RFTN1: variants seen among roughly 807,000 people sequenced by gnomAD.
The protein encoded by RFTN1 is raftlin, lipid raft linker 1.
In RFTN1, 26 loss-of-function variants were observed where a neutral mutation model predicts 46.5. The ratio of observed to expected loss-of-function variants is 0.56; its 90% CI spans 0.41 to 0.78. RFTN1 has a LOEUF of 0.78. Ranked by LOEUF, RFTN1 falls within the 30% of genes least tolerant of loss-of-function variation. The pLI, the probability that RFTN1 is intolerant of heterozygous loss-of-function variation, is 0.00. For synonymous variants in RFTN1, 261 were observed against 284.2 expected, an observed-to-expected ratio of 0.92 and a Z score of 0.82; for missense variants, 693 against 718.7, an observed-to-expected ratio of 0.96 and a Z score of 0.41.
chr3:16,425,965 C>T lies in RFTN1; in HGVS notation c.332+7886G>A, dbSNP rs944955289. ...AGAAACGAGGGGCAGCTGCCAGCAA[C>T]GGGTGTTCGCCCCACCTAAATCGGA... On this transcript the variant is annotated intron_variant, in intron 3 of 9. Transcript: ENST00000334133. The surrounding 1 kb of genome is among the most constrained non-coding windows in gnomAD (Gnocchi z 4.3). Among the ~76,000 whole-genome samples the T allele has an allele frequency of 1.3e-5, 2 of 152,088 alleles. No individual in the cohort carries two copies. The highest frequency in any genetic ancestry group is 2.4e-5 in the African/African-American group (1 of 41,408).
chr3:16,434,361 T>TAAAC (rs138527155), intron 2 of RFTN1, among the ~76,000 whole-genome samples: 151 of 138,152 alleles, frequency 1.1e-3, no homozygotes, highest in South Asian at 2.4e-3. Flanking sequence ...CGGTCTCTCT[T>TAAAC]AAACAAACAA....
Position 16,443,985 on chromosome 3 carries a change from T to C in RFTN1, c.146-9948A>G, listed in dbSNP as rs932302495. Among the ~76,000 whole-genome samples, 2 of 152,206 alleles carry C rather than the reference T, an allele frequency of 1.3e-5. No homozygotes were observed. The highest frequency in any genetic ancestry group is 2.4e-5 in the African/African-American group (1 of 41,440). On this transcript the variant is annotated intron_variant, in intron 2 of 9. Transcript: ENST00000334133. This position sits in a 1 kb window ranked among gnomAD's most constrained non-coding sequence, Gnocchi z 5.5. ...CAGGTCCCCTGATGCTTAGGTTTAG[T>C]AGTGGGCACTCAAATATTAAAAGCA...
Position 16,341,087 on chromosome 3 carries a change from A to G in RFTN1, c.1147-14211T>C, listed in dbSNP as rs1266068791. On this transcript the variant is annotated intron_variant, in intron 7 of 9. Transcript: ENST00000334133. This position sits in a 1 kb window ranked among gnomAD's most constrained non-coding sequence, Gnocchi z 4.7. ...CTCAACATCATATGTCATTAGGGAA[A>G]TGCAAATAAGACAGTCCACCTTAGA... is the stretch of plus-strand genomic sequence containing the variant. Among the ~76,000 whole-genome samples, 1 of 152,256 alleles carries G rather than the reference A, an allele frequency of 6.6e-6. No homozygotes were observed. Among genetic ancestry groups the G allele is most frequent in the African/African-American group, 2.4e-5 (1 of 41,470 alleles).
chr3:16,403,888 A>T (rs1404999085), intron 4 of RFTN1, among the ~76,000 whole-genome samples: 1 of 7,030 alleles, frequency 1.4e-4, no homozygotes, highest in Non-Finnish European at 2.5e-4. Flanking sequence ...ATATATATAT[A>T]ATATATATTT....
rs1485495267 is a variant in RFTN1 at position 16,327,916 on chromosome 3, G to A, written c.1147-1040C>T. ...CGGGTTCCTCACTAACACTCAAAGT[G>A]TAGCCCCCACCCCTGCTCTGTGTGT... On this transcript the variant is annotated intron_variant, in intron 7 of 9. Coordinates refer to ENST00000334133, the MANE Select transcript of RFTN1 (RefSeq NM_015150.2). This position sits in a 1 kb window ranked among gnomAD's most constrained non-coding sequence, Gnocchi z 4.2. 6.6e-6 allele frequency among the ~76,000 whole-genome samples: 1 copy of A among 151,772 alleles called. No individual in the cohort carries two copies. Among genetic ancestry groups the A allele is most frequent in the African/African-American group, 2.4e-5 (1 of 41,422 alleles).
chr3:16,339,949 G>A (rs1315003094), intron 7 of RFTN1: 1 of 152,218 alleles, frequency 6.6e-6, no homozygotes, highest in Non-Finnish European at 1.5e-5. Flanking sequence ...TGCCTAAAAT[G>A]AGACATGAGT....
chr3:16,328,878 C>T (rs912548324), intron 7 of RFTN1, among the ~76,000 whole-genome samples: 11 of 152,298 alleles, frequency 7.2e-5, no homozygotes, highest in African/African-American at 2.6e-4. Context: ...CTAACTTTTT[C>T]CCATCATTCT....
At chr3:16,350,454 C>G (rs1205973873) in intron 7 of RFTN1, among the ~76,000 whole-genome samples, 1 of 149,722 alleles carries the variant, frequency 6.7e-6, no homozygotes, top group African/African-American at 2.5e-5. Flanking sequence ...CTGAAGCAAA[C>G]TTGAAAATTT....
rs770594704 is a variant in RFTN1 at position 16,452,406 on chromosome 3, A to C, written c.146-18369T>G. 6.6e-6 allele frequency among the ~76,000 whole-genome samples: 1 copy of C among 152,196 alleles called. No homozygotes were observed. The highest frequency in any genetic ancestry group is 1.5e-5 in the Non-Finnish European group (1 of 68,030). On this transcript the variant is annotated intron_variant, in intron 2 of 9. Coordinates refer to ENST00000334133, the MANE Select transcript of RFTN1 (RefSeq NM_015150.2). The surrounding 1 kb of genome is among the most constrained non-coding windows in gnomAD (Gnocchi z 6.3). ...ATCTAAAGTCTCCCTCCATCTTCACAATGTTGATTGAAATGCTTAGCTACT... is the reference window on the plus strand; with the variant it reads ...ATCTAAAGTCTCCCTCCATCTTCACCATGTTGATTGAAATGCTTAGCTACT...
At chr3:16,362,422 A>G (rs2072891654) in intron 6 of RFTN1, among the ~76,000 whole-genome samples, 1 of 152,108 alleles carries the variant, frequency 6.6e-6, no homozygotes, top group Non-Finnish European at 1.5e-5. Flanking sequence ...AAATCACATC[A>G]CAAGTATTTT....
At chr3:16,482,793 G>A (rs1463171982) in intron 2 of RFTN1, 2 of 1,536,154 alleles carry the variant, frequency 1.3e-6, no homozygotes, top group Non-Finnish European at 1.7e-6. Context: ...CAGCTGCAGG[G>A]ATCCCCAGAG....
rs2076507098 is a variant in RFTN1, at chr3:16,489,555, TTAAA to T, written c.145+4166_145+4169del. Among the ~76,000 whole-genome samples the T allele has an allele frequency of 1.3e-5, 2 of 152,190 alleles. No individual in the cohort carries two copies. Among genetic ancestry groups the T allele is most frequent in the African/African-American group, 4.8e-5 (2 of 41,442 alleles). On this transcript the variant is annotated intron_variant, in intron 2 of 9. Coordinates refer to ENST00000334133, the MANE Select transcript of RFTN1 (RefSeq NM_015150.2). This position sits in a 1 kb window ranked among gnomAD's most constrained non-coding sequence, Gnocchi z 4.0. Reference sequence around the variant, plus strand: ...TGAGGGTTTTATGGGTTGGAACACTTTAAATATGTGCAATGTAGTGTACTTCATT... The same window carrying T: ...TGAGGGTTTTATGGGTTGGAACACTTTATGTGCAATGTAGTGTACTTCATT...
intron 2 of RFTN1, among the ~76,000 whole-genome samples, chr3:16,434,519 C>T (rs752803604): frequency 2.0e-5 from 3 of 151,984 alleles, no homozygotes; most frequent in Admixed American, 6.6e-5. Flanking sequence ...AGGGCCACTG[C>T]ACTCTAGCCT....
chr3:16,437,588 G>T (rs1313075462), intron 2 of RFTN1, among the ~76,000 whole-genome samples: 1 of 152,082 alleles, frequency 6.6e-6, no homozygotes, highest in African/African-American at 2.4e-5. Context: ...TGAGCCCAGA[G>T]AGGTCAAGGA....
At chr3:16,482,835 T>C (rs775595315) in intron 2 of RFTN1, 48 of 1,535,886 alleles carry the variant, frequency 3.1e-5, no homozygotes, top group Non-Finnish European at 4.0e-5. Context: ...CAGAACAGCC[T>C]TTCTGCCATG....
Position 16,322,791 on chromosome 3 carries a change from A to AG in RFTN1, c.1332+584dup, listed in dbSNP as rs907644535. Among the ~76,000 whole-genome samples, 18 of 152,042 alleles carry AG rather than the reference A, an allele frequency of 1.2e-4. No individual in the cohort carries two copies. Among genetic ancestry groups the AG allele is most frequent in the African/African-American group, 4.3e-4 (18 of 41,400 alleles). On this transcript the variant is annotated intron_variant, in intron 9 of 9. Coordinates refer to ENST00000334133, the MANE Select transcript of RFTN1 (RefSeq NM_015150.2). This position sits in a 1 kb window ranked among gnomAD's most constrained non-coding sequence, Gnocchi z 6.2. ...TTCTAGGGTAGTTCAGAGTCCGGAGAGGGGGAAAAGGGCCCTGGGGATCTC... is the reference window on the plus strand; with the variant it reads ...TTCTAGGGTAGTTCAGAGTCCGGAGAGGGGGGAAAAGGGCCCTGGGGATCTC...
At chr3:16,366,645 G>A (rs2073193873) in intron 6 of RFTN1, among the ~76,000 whole-genome samples, 1 of 152,146 alleles carries the variant, frequency 6.6e-6, no homozygotes. Context: ...CCACCTTCTT[G>A]CTCTTACTAG....
In RFTN1 at chr3:16,425,200, C is replaced by T. The variant is rs114576568; in HGVS notation, c.332+8651G>A. Among the ~76,000 whole-genome samples, 288 of 152,306 alleles carry T rather than the reference C, an allele frequency of 1.9e-3. No homozygotes were observed. Among genetic ancestry groups the T allele is most frequent in the African/African-American group, 6.7e-3 (278 of 41,570 alleles). ...TGTCCCTGTAGTCTACCTTGCAATG[C>T]TACCAAATAAATCTTCCTAGAGAGT... On this transcript the variant is annotated intron_variant, in intron 3 of 9. Transcript: ENST00000334133. The surrounding 1 kb of genome is among the most constrained non-coding windows in gnomAD (Gnocchi z 4.3).
At position 16,385,872 on chromosome 3, in the gene RFTN1, G is replaced by A. The variant is rs572941209; in HGVS notation, c.442-7770C>T. 2.0e-5 allele frequency among the ~76,000 whole-genome samples: 3 copies of A among 152,230 alleles called. No homozygotes were observed. Among genetic ancestry groups the A allele is most frequent in the East Asian group, 3.9e-4 (2 of 5,180 alleles). ...CAGAACAGGATTCTGGAGCAAAGAC[G>A]ACCTTGGCCCATGAGAACTGCCATC... On this transcript the variant is annotated intron_variant, in intron 4 of 9. Transcript: ENST00000334133. This position sits in a 1 kb window ranked among gnomAD's most constrained non-coding sequence, Gnocchi z 5.0.
Sources: gnomAD v4.1 joint callset for allele counts (sites outside exome capture counted in the v4.1 genomes callset) on GRCh38, gnomAD v4.1.1 for gene constraint, Gnocchi (gnomAD v3.1) non-coding constraint, MANE v1.5 for transcripts, NCBI Gene and HGNC (gene_info 2026-07-23, HGNC 2026-07-21) for gene names.